LRRC24: variants seen among roughly 807,000 people sequenced by gnomAD.
The protein encoded by LRRC24 is leucine rich repeat containing 24.
In LRRC24, 19 loss-of-function variants were observed where a neutral mutation model predicts 15.3. The ratio of observed to expected loss-of-function variants is 1.25; its 90% CI spans 0.87 to 1.83. LRRC24 has a LOEUF of 1.83. LRRC24 is among the 40% of genes most tolerant of loss of function. The pLI, the probability that LRRC24 is intolerant of heterozygous loss-of-function variation, is 0.00. For synonymous variants in LRRC24, 469 were observed against 359.6 expected (o/e 1.30, Z -3.44); for missense variants, 914 against 723.9 (o/e 1.26, Z -3.01).
intron 4 of LRRC24, chr8:144,523,807 C>T (rs750310266): frequency 7.2e-5 from 33 of 461,374 alleles, no homozygotes; most frequent in Admixed American, 6.5e-4. Flanking sequence ...GTCCCCAGTC[C>T]TGGTCAGCTG....
chr8:144,524,799 C>T lies in LRRC24; in HGVS notation c.159+17G>A, dbSNP rs1816299770. 2 of 1,447,360 alleles carry T rather than the reference C, an allele frequency of 1.4e-6. No individual in the cohort carries two copies. Among genetic ancestry groups the T allele is most frequent in the East Asian group, 2.6e-5 (1 of 38,296 alleles). 89.7% of individuals were successfully genotyped at this position (1,447,360 alleles called of 1,614,324 possible). A position where few individuals can be genotyped will look rare whatever the true frequency, so the allele number is the denominator to read the frequency against. ...CTGGGGGCACCCCGTCCTCCCGCAG[C>T]TCCACACGGTGCCCACCTGCGTCCC... On this transcript the variant is annotated intron_variant, in intron 2 of 4. Coordinates refer to ENST00000529415, the MANE Select transcript of LRRC24 (RefSeq NM_001024678.4).
intron 4 of LRRC24, 76 bp downstream of exon 4, chr8:144,524,034 G>T: frequency 6.6e-7 from 1 of 1,508,478 alleles, no homozygotes; most frequent in Non-Finnish European, 9.0e-7. Context: ...TGATGTCAGA[G>T]CCCCTCCACA....
chr8:144,526,824 A>T (rs1816380359), intron 1 of LRRC24, 136 bp downstream of exon 1: 1 of 152,130 alleles, frequency 6.6e-6, no homozygotes, highest in East Asian at 1.9e-4. Context: ...GGGCTCAGGG[A>T]GGGCGTGGCC....
Position 144,524,181 on chromosome 8 carries a change from C to T in LRRC24, c.536G>A (p.Arg179Lys). The change falls in exon 4 of 5, where the codon AGG becomes AAG. Residue 179 changes from arginine to lysine, a missense_variant. By Grantham distance (26) the Arg-to-Lys change is conservative. Coordinates refer to ENST00000529415, the MANE Select transcript of LRRC24 (RefSeq NM_001024678.4). The part of the protein sequence containing the change: ...LSSLALLDLS[R>K]NQLGTISREA... ...TCGGCTGATGGTGCCCAGCTGGTTC[C>T]TGCTGAGGTCCAGCAGTGCTAGGGA... is the stretch of plus-strand genomic sequence containing the variant. The T allele has an allele frequency of 6.2e-7, 1 of 1,611,740 alleles. No individual in the cohort carries two copies. The highest frequency in any genetic ancestry group is 8.5e-7 in the Non-Finnish European group (1 of 1,179,166).
chr8:144,523,955 C>G, intron 4 of LRRC24, 155 bp downstream of exon 4: 1 of 852,976 alleles, frequency 1.2e-6, no homozygotes, highest in Non-Finnish European at 1.8e-6. Context: ...CCCCAGCACA[C>G]CCACTCCCGC....
In LRRC24 at chr8:144,523,485, C is replaced by G. The variant is rs1013800629; in HGVS notation, c.608-76G>C. On this transcript the variant is annotated intron_variant, in intron 4 of 4. Transcript: ENST00000529415. ...CCTGTGCAGTTGGGGTTTTGCAGGC[C>G]AGGACAGAGGCCTCTTTCCCACCTC... 75 of 1,471,854 alleles carry G rather than the reference C, an allele frequency of 5.1e-5. 1 individual carries two copies. The highest frequency in any genetic ancestry group is 4.5e-4 in the Middle Eastern group (2 of 4,406). The allele number at this position is 1,471,854 out of a possible 1,614,324, so 91.2% of individuals were successfully genotyped here.
In LRRC24 at chr8:144,522,615, G is replaced by C; in HGVS notation, c.1402C>G (p.His468Asp). 3.8e-6 allele frequency: 6 copies of C among 1,572,452 alleles called. No individual in the cohort carries two copies. The highest frequency in any genetic ancestry group is 5.2e-6 in the Non-Finnish European group (6 of 1,161,812). ...QLEELRDERG[H>D]EMFVINRSKP... ...GAGCGGTTGATGACGAACATCTCGT[G>C]GCCGCGCTCGTCGCGGAGCTCCTCT... The change falls in exon 5 of 5, where the codon CAC becomes GAC. Residue 468 changes from histidine to aspartate, a missense_variant. Transcript: ENST00000529415.
chr8:144,522,762 G>C lies in LRRC24; in HGVS notation c.1255C>G (p.Leu419Val). 1 of 1,574,592 alleles carries C rather than the reference G, an allele frequency of 6.4e-7. No individual in the cohort carries two copies. Among genetic ancestry groups the C allele is most frequent in the Non-Finnish European group, 8.6e-7 (1 of 1,163,256 alleles). Residue 419 changes from leucine to valine, a missense_variant, in exon 5 of 5, where the codon CTG (leucine) becomes GTG (valine). Leu to Val is a conservative substitution (Grantham distance 32). Coordinates refer to ENST00000529415, the MANE Select transcript of LRRC24 (RefSeq NM_001024678.4). ...CGACAGATCATGGCGACCAGGAGCA[G>C]CGCCGTGAGCGCCAGCAGCGCGATG... Reference protein sequence around the residue: ...AAIALLALTALLLVAMICRRR... With the variant: ...AAIALLALTAVLLVAMICRRR...
In LRRC24 at chr8:144,523,101, C is replaced by T. The variant is rs1159099272; in HGVS notation, c.916G>A (p.Ala306Thr). 6.2e-7 allele frequency: 1 copy of T among 1,609,002 alleles called. No homozygotes were observed. Among genetic ancestry groups the T allele is most frequent in the South Asian group, 1.1e-5 (1 of 91,008 alleles). The change falls in exon 5 of 5, where the codon GCC (alanine) becomes ACC (threonine). Residue 306 changes from alanine (A) to threonine (T), a missense_variant. Ala to Thr is a moderately conservative substitution (Grantham distance 58). Coordinates refer to ENST00000529415, the MANE Select transcript of LRRC24 (RefSeq NM_001024678.4). ...VPQPREGRPR[A>T]QAQLEGGLLG... is the part of the protein sequence containing the mutation. ...AACCCGCCTTCTAGCTGGGCCTGGG[C>T]TCGCGGCCGGCCCTCGCGAGGCTGG...
At chr8:144,525,102 A>C in intron 1 of LRRC24, 69 bp from the exon 2 acceptor site, 2 of 1,052,130 alleles carry the variant, frequency 1.9e-6, no homozygotes, top group Non-Finnish European at 2.5e-6. Context: ...GGAGGCCTGC[A>C]CCTGCGTCTA....
chr8:144,523,954 A>G, intron 4 of LRRC24, 156 bp downstream of exon 4: 1 of 840,154 alleles, frequency 1.2e-6, no homozygotes, highest in East Asian at 2.5e-5. Context: ...TCCCCAGCAC[A>G]CCCACTCCCG....
chr8:144,525,115 T>C, intron 1 of LRRC24, 82 bp from the exon 2 acceptor site: 2 of 918,810 alleles, frequency 2.2e-6, no homozygotes, highest in South Asian at 5.7e-5. Flanking sequence ...TGCGTCTAAC[T>C]TTTGACGCTA....
rs534786173 is a variant in LRRC24 at position 144,522,713 on chromosome 8, G to C, written c.1304C>G (p.Ala435Gly). 1.3e-6 allele frequency: 2 copies of C among 1,595,296 alleles called. No individual in the cohort carries two copies. The highest frequency in any genetic ancestry group is 1.7e-6 in the Non-Finnish European group (2 of 1,172,094). Residue 435 changes from alanine to glycine, a missense_variant, in exon 5 of 5, where the codon GCG becomes GGG. Coordinates refer to ENST00000529415, the MANE Select transcript of LRRC24 (RefSeq NM_001024678.4). ...ICRRRRRRKK[A>G]RGPPGEGALF... ...CGCTCCCTCCCCCGGAGGCCCCCGCGCCTTTTTTCGCCTGCGGCGCCGGCG... is the reference window on the plus strand; with the variant it reads ...CGCTCCCTCCCCCGGAGGCCCCCGCCCCTTTTTTCGCCTGCGGCGCCGGCG...
chr8:144,526,855 C>G (rs1816381737), intron 1 of LRRC24, 105 bp downstream of exon 1: 1 of 152,384 alleles, frequency 6.6e-6, no homozygotes, highest in South Asian at 2.1e-4. Context: ...CCATCCCCCT[C>G]CAGGACCCAC....
At position 144,522,759 on chromosome 8, in the gene LRRC24, G is replaced by C. The variant is rs376131634; in HGVS notation, c.1258C>G (p.Leu420Val). 1.0e-4 allele frequency: 164 copies of C among 1,578,288 alleles called. 1 individual carries two copies. Among genetic ancestry groups the C allele is most frequent in the Middle Eastern group, 3.5e-4 (2 of 5,646 alleles). Residue 420 changes from leucine to valine, a missense_variant, in exon 5 of 5, where the codon CTC (leucine) becomes GTC (valine). By Grantham distance (32) the Leu-to-Val change is conservative. Coordinates refer to ENST00000529415, the MANE Select transcript of LRRC24 (RefSeq NM_001024678.4). Reference sequence around the variant, plus strand: ...CGGCGACAGATCATGGCGACCAGGAGCAGCGCCGTGAGCGCCAGCAGCGCG... The same window carrying C: ...CGGCGACAGATCATGGCGACCAGGACCAGCGCCGTGAGCGCCAGCAGCGCG... ...AIALLALTAL[L>V]LVAMICRRRR...
Position 144,524,848 on chromosome 8 carries a change from C to G in LRRC24, c.127G>C (p.Val43Leu), listed in dbSNP as rs1338215277. The change falls in exon 2 of 5, where the codon GTC (valine) becomes CTC (leucine). Residue 43 changes from valine (V) to leucine (L), a missense_variant. By Grantham distance (32) the Val-to-Leu change is conservative (BLOSUM62 1). Coordinates refer to ENST00000529415, the MANE Select transcript of LRRC24 (RefSeq NM_001024678.4). ...TVECGALRLR[V>L]VPLGIPPGTQ... ...CCTGGCGGGATTCCCAGCGGGACGA[C>G]GCGCAACCGCAGGGCGCCACACTCC... is the stretch of plus-strand genomic sequence containing the variant. 110 of 1,486,300 alleles carry G rather than the reference C, an allele frequency of 7.4e-5. No individual in the cohort carries two copies. The highest frequency in any genetic ancestry group is 9.8e-6 in the Non-Finnish European group (11 of 1,118,172). 92.1% of individuals were successfully genotyped at this position (1,486,300 alleles called of 1,614,324 possible). A position where few individuals can be genotyped will look rare whatever the true frequency, so the allele number is the denominator to read the frequency against.
chr8:144,526,637 CCT>C (rs945830105), intron 1 of LRRC24: 1 of 152,274 alleles, frequency 6.6e-6, no homozygotes, highest in African/African-American at 2.4e-5. Context: ...CCTGGGCGCC[CCT>C]CTGTGCGGGA....
chr8:144,523,760 C>T (rs11996936), intron 4 of LRRC24: 5,193 of 415,776 alleles, frequency 0.012, 227 homozygotes, highest in African/African-American at 0.096. Context: ...CTCACAAGTC[C>T]TCTCAGCCTT....
chr8:144,522,528 C>G lies in LRRC24; in HGVS notation c.1489G>C (p.Ala497Pro), dbSNP rs748914137. The change falls in exon 5 of 5, where the codon GCG becomes CCG. Residue 497 changes from alanine (A) to proline (P), a missense_variant. Ala to Pro is a conservative substitution (Grantham distance 27). Transcript: ENST00000529415. ...APADCGPEQG[A>P]GPGLRVPPPV... ...GGGGGCACGCGGAGTCCCGGCCCCGCCCCCTGTTCCGGGCCGCAGTCAGCG... is the reference window on the plus strand; with the variant it reads ...GGGGGCACGCGGAGTCCCGGCCCCGGCCCCTGTTCCGGGCCGCAGTCAGCG... The G allele has an allele frequency of 2.6e-6, 4 of 1,517,674 alleles. No individual in the cohort carries two copies. Among genetic ancestry groups the G allele is most frequent in the Non-Finnish European group, 8.8e-7 (1 of 1,135,394 alleles). The allele number at this position is 1,517,674 out of a possible 1,614,324, so 94.0% of individuals were successfully genotyped here. A position where few individuals can be genotyped will look rare whatever the true frequency, so the allele number is the denominator to read the frequency against.
Sources: gnomAD v4.1 joint callset for allele counts on GRCh38, gnomAD v4.1.1 for gene constraint, MANE v1.5 for transcripts, NCBI Gene and HGNC (gene_info 2026-07-23, HGNC 2026-07-21) for gene names.